Variants in FAM13B observed in about 807,000 individuals in gnomAD.
FAM13B encodes the protein protein FAM13B.
Under a neutral mutation model 117.3 loss-of-function variants are expected in FAM13B, and 60 were observed. The observed-to-expected ratio is 0.51, with a 90% CI of 0.42 to 0.63. The LOEUF (loss-of-function observed/expected upper bound fraction) is 0.63, where lower values mean the gene tolerates loss of function less well. FAM13B is among the 30% of genes least tolerant of loss of function. The probability of loss-of-function intolerance (pLI) is 0.00; values close to 1 mark genes in which losing one functional copy is unlikely to be tolerated. For missense variants in FAM13B, 972 were observed against 1,091.9 expected (o/e 0.89, Z 1.55); for synonymous variants, 332 against 356.1 (o/e 0.93, Z 0.76).
At position 138,018,292 on chromosome 5, in the gene FAM13B, A is replaced by ATTATG; in HGVS notation, c.370+5_370+9dup. The ATTATG allele has an allele frequency of 6.2e-7, 1 of 1,606,898 alleles. No individual in the cohort carries two copies. Among genetic ancestry groups the ATTATG allele is most frequent in the Non-Finnish European group, 8.5e-7 (1 of 1,173,608 alleles). On this transcript the variant is annotated intron_variant, in intron 4 of 23. Coordinates refer to ENST00000689681, the MANE Select transcript of FAM13B (RefSeq NM_001385994.1). ...CAAATGACCAATTGATAAGTATCAA[A>ATTATG]TTATGTTACCTTGAGAAAGCTGCAT...
intron 10 of FAM13B, among the ~76,000 whole-genome samples, chr5:137,974,214 A>G (rs1307661485): frequency 6.6e-6 from 1 of 151,752 alleles, no homozygotes; most frequent in Non-Finnish European, 1.5e-5. Context: ...CCAAATGTCC[A>G]ACAATGATAG....
chr5:137,949,206 A>C (rs751151310), intron 17 of FAM13B, 22 bp from the exon 18 acceptor site: 5 of 1,586,720 alleles, frequency 3.2e-6, no homozygotes, highest in Admixed American at 1.7e-5. Context: ...AAATAAGGAC[A>C]GATCAGTAAT....
rs1211330450 is a variant in FAM13B, at chr5:138,007,076, A to T, written c.762T>A (p.Gly254=). 6.2e-7 allele frequency: 1 copy of T among 1,613,450 alleles called. No homozygotes were observed. Among genetic ancestry groups the T allele is most frequent in the Non-Finnish European group, 8.5e-7 (1 of 1,179,838 alleles). The change falls in exon 7 of 24, where the codon GGT becomes GGA. Residue 254 remains glycine (G), a synonymous_variant. Transcript: ENST00000689681. The part of the protein sequence containing the change: ...LEHIEELPEE[G]AEKSNDMPEV... Reference sequence around the variant, plus strand: ...CTGGCATGTCATTTGATTTTTCTGCACCCTCTTCTGGAAGTTCTTCAATAT... The same window carrying T: ...CTGGCATGTCATTTGATTTTTCTGCTCCCTCTTCTGGAAGTTCTTCAATAT...
Position 137,943,191 on chromosome 5 carries a change from C to T in FAM13B, c.2366G>A (p.Gly789Asp). Residue 789 changes from glycine (G) to aspartate (D), a missense_variant, in exon 21 of 24, where the codon GGT becomes GAT. By Grantham distance (94) the Gly-to-Asp change is moderately conservative. Coordinates refer to ENST00000689681, the MANE Select transcript of FAM13B (RefSeq NM_001385994.1). ...VLGSPSTKRR[G>D]QMLQPIIEGE... ...TTCTATGATTGGCTGTAACATCTGACCCCTTCGCTTGGTGGATGGAGATCC... is the reference window on the plus strand; with the variant it reads ...TTCTATGATTGGCTGTAACATCTGATCCCTTCGCTTGGTGGATGGAGATCC... 1 of 1,613,956 alleles carries T rather than the reference C, an allele frequency of 6.2e-7. No individual in the cohort carries two copies. The highest frequency in any genetic ancestry group is 8.5e-7 in the Non-Finnish European group (1 of 1,179,938).
chr5:137,946,719 A>C (rs944009262), intron 18 of FAM13B, among the ~76,000 whole-genome samples: 1 of 152,264 alleles, frequency 6.6e-6, no homozygotes, highest in Non-Finnish European at 1.5e-5. Context: ...AGCACAGAGT[A>C]AACATACATA....
intron 1 of FAM13B, chr5:138,038,734 G>A (rs775638210): frequency 1.3e-5 from 2 of 152,110 alleles, no homozygotes; most frequent in Admixed American, 1.3e-4. Flanking sequence ...CAAATCCCAC[G>A]CCAACCTCCA....
In FAM13B at chr5:137,943,037, T is replaced by C. The variant is rs1245365163; in HGVS notation, c.2426A>G (p.Glu809Gly). The change falls in exon 22 of 24, where the codon GAG (glutamate) becomes GGG (glycine). Residue 809 changes from glutamate (E) to glycine (G), a missense_variant and splice_region_variant. Transcript: ENST00000689681. Reference sequence around the variant, plus strand: ...CAGATTAACACCATCTTCTTCTTCCTCCTAAAAAGATATCCAAACAGAGAA... The same window carrying C: ...CAGATTAACACCATCTTCTTCTTCCCCCTAAAAAGATATCCAAACAGAGAA... The part of the protein sequence containing the change: ...ETAHFFEEIK[E>G]EEEDGVNLSS... 2.5e-6 allele frequency: 4 copies of C among 1,612,446 alleles called. No homozygotes were observed. The African/African-American group carries it at 5.4e-5, about 22-fold the overall frequency.
intron 6 of FAM13B, among the ~76,000 whole-genome samples, chr5:138,007,701 CA>C (rs56949742): frequency 0.17 from 25,493 of 152,118 alleles, 2,230 homozygotes; most frequent in Non-Finnish European, 0.17. Context: ...ATATTTTGAC[CA>C]GTAAGCACAA....
At chr5:137,983,199 A>C (rs1006590691) in intron 10 of FAM13B, among the ~76,000 whole-genome samples, 2 of 98,298 alleles carry the variant, frequency 2.0e-5, no homozygotes, top group African/African-American at 6.5e-5. Context: ...AAAAAAAAAA[A>C]AAAAAAAAAA....
intron 17 of FAM13B, among the ~76,000 whole-genome samples, chr5:137,949,561 C>T (rs1427266761): frequency 6.6e-6 from 1 of 152,196 alleles, no homozygotes; most frequent in African/African-American, 2.4e-5. Flanking sequence ...GGGTGGATCA[C>T]TTGAGGTCAG....
chr5:137,972,164 G>A (rs879782927), intron 10 of FAM13B, among the ~76,000 whole-genome samples: 1 of 150,346 alleles, frequency 6.7e-6, no homozygotes, highest in African/African-American at 2.4e-5. Flanking sequence ...AACCAAAAAA[G>A]AGAATTTTAG....
intron 10 of FAM13B, among the ~76,000 whole-genome samples, chr5:137,970,533 T>G (rs1170069701): frequency 6.7e-6 from 1 of 149,528 alleles, no homozygotes; most frequent in Non-Finnish European, 1.5e-5. Context: ...CCATCGAGAC[T>G]AGGAAGAAAC....
chr5:137,953,012 C>T (rs1304912357), intron 16 of FAM13B, among the ~76,000 whole-genome samples: 1 of 152,202 alleles, frequency 6.6e-6, no homozygotes, highest in Admixed American at 6.5e-5. Context: ...AACTCCCTCT[C>T]CTCCCCACTT....
chr5:137,946,334 A>C, intron 18 of FAM13B, 23 bp from the exon 19 acceptor site: 1 of 1,489,694 alleles, frequency 6.7e-7, no homozygotes, highest in African/African-American at 1.4e-5. Context: ...AAAAAAAATA[A>C]CAAAATACAA....
intron 10 of FAM13B, among the ~76,000 whole-genome samples, chr5:137,983,885 T>C (rs1776507070): frequency 6.6e-6 from 1 of 152,206 alleles, no homozygotes; most frequent in Non-Finnish European, 1.5e-5. Flanking sequence ...AACCTAAGTC[T>C]TCCTACTCTA....
At chr5:137,985,411 C>T (rs781466800) in intron 9 of FAM13B, 22 bp from the exon 10 acceptor site, 26 of 1,610,754 alleles carry the variant, frequency 1.6e-5, no homozygotes, top group Non-Finnish European at 2.0e-5. Flanking sequence ...GTTTAAAAAT[C>T]AGATCAGGCC....
At chr5:137,964,467 T>G (rs1769069895) in intron 10 of FAM13B, among the ~76,000 whole-genome samples, 1 of 150,048 alleles carries the variant, frequency 6.7e-6, no homozygotes, top group Non-Finnish European at 1.5e-5. Context: ...ACACCTGTAA[T>G]CCCAGCACTT....
chr5:138,028,428 G>C (rs997335372), intron 1 of FAM13B, among the ~76,000 whole-genome samples: 7 of 152,004 alleles, frequency 4.6e-5, no homozygotes, highest in African/African-American at 1.7e-4. Flanking sequence ...TCTACAACTT[G>C]GTCTAGCCAG....
At chr5:137,962,306 A>T in intron 11 of FAM13B, 99 bp downstream of exon 11, 1 of 903,504 alleles carries the variant, frequency 1.1e-6, no homozygotes, top group Non-Finnish European at 1.7e-6. Context: ...TCTAAACTAT[A>T]TATTTATAAT....
Sources: gnomAD v4.1 joint callset for allele counts (sites outside exome capture counted in the v4.1 genomes callset) on GRCh38, gnomAD v4.1.1 for gene constraint, MANE v1.5 for transcripts, NCBI Gene and HGNC (gene_info 2026-07-23, HGNC 2026-07-21) for gene names.